The following RPS6KA5 variants were observed in gnomAD, a reference collection of about 807,000 sequenced individuals.
RPS6KA5 encodes ribosomal protein S6 kinase A5, also known as ribosomal protein S6 kinase alpha-5.
Under a neutral mutation model 85.5 loss-of-function variants are expected in RPS6KA5, and 27 were observed. The observed-to-expected ratio is 0.32, with a 90% CI of 0.23 to 0.44. RPS6KA5 has a LOEUF of 0.44. Ranked by LOEUF, RPS6KA5 falls within the 20% of genes least tolerant of loss-of-function variation. RPS6KA5 has a pLI of 1.00. For missense variants in RPS6KA5, 811 were observed against 980.9 expected, an observed-to-expected ratio of 0.83 and a Z score of 2.31; for synonymous variants, 334 against 348.2, an observed-to-expected ratio of 0.96 and a Z score of 0.46.
At chr14:91,033,297 A>G (rs903252328) in intron 1 of RPS6KA5, among the ~76,000 whole-genome samples, 20 of 152,192 alleles carry the variant, frequency 1.3e-4, no homozygotes, top group Non-Finnish European at 5.9e-5. Flanking sequence ...ATCAGATTGG[A>G]AAAGATTTTT....
At chr14:90,885,584 A>C (rs867293316) in intron 14 of RPS6KA5, among the ~76,000 whole-genome samples, 190 of 89,976 alleles carry the variant, frequency 2.1e-3, no homozygotes, top group Middle Eastern at 7.8e-3. Flanking sequence ...AAAAAAAAAA[A>C]AAAAAAAATT....
At chr14:90,992,028 A>G (rs528284424) in intron 2 of RPS6KA5, among the ~76,000 whole-genome samples, 1 of 152,312 alleles carries the variant, frequency 6.6e-6, no homozygotes, top group African/African-American at 2.4e-5. Context: ...TTTCATTTCC[A>G]AAGAAAACCT....
At chr14:91,015,279 A>T (rs545680197) in intron 1 of RPS6KA5, among the ~76,000 whole-genome samples, 1 of 152,334 alleles carries the variant, frequency 6.6e-6, no homozygotes, top group South Asian at 2.1e-4. Context: ...CACTCAGCAC[A>T]GCATTCCTTA....
intron 13 of RPS6KA5, chr14:90,894,088 TAA>T (rs1169490296): frequency 4.1e-6 from 4 of 973,440 alleles, no homozygotes; most frequent in Non-Finnish European, 4.9e-6. Flanking sequence ...AAATTATATG[TAA>T]GAGATATTAT....
At chr14:91,044,291 GAGAAAGAGAGAGAAAGAGAGAGAGAGAA>G (rs2042726698) in intron 1 of RPS6KA5, among the ~76,000 whole-genome samples, 3 of 123,938 alleles carry the variant, frequency 2.4e-5, no homozygotes, top group African/African-American at 3.6e-5. Flanking sequence ...GAGAGAGAGA[GAGAAAGAGAGAGAAAGAGAGAGAGAGAA>G]AGAGAGAGAG....
At chr14:91,018,718 C>G (rs2041610959) in intron 1 of RPS6KA5, among the ~76,000 whole-genome samples, 1 of 152,160 alleles carries the variant, frequency 6.6e-6, no homozygotes, top group Admixed American at 6.5e-5. Flanking sequence ...GCACAGTCAG[C>G]TTCCCTGCTT....
At chr14:90,908,149 A>G (rs952331738) in intron 7 of RPS6KA5, among the ~76,000 whole-genome samples, 1 of 152,240 alleles carries the variant, frequency 6.6e-6, no homozygotes, top group Non-Finnish European at 1.5e-5. Context: ...GAAAGGAGAA[A>G]TGTCCACCAT....
chr14:90,919,637 C>T lies in RPS6KA5; in HGVS notation c.806+569G>A, dbSNP rs564928516. 8.5e-4 allele frequency among the ~76,000 whole-genome samples: 129 copies of T among 152,184 alleles called. 3 individuals carry two copies. The South Asian group carries it at 0.013, about 15-fold the overall frequency. ...GAATCAAAGCCAGACATGTCCCTTA[C>T]TCTCACAGAGCTTACAATCTAGTGT... is the stretch of plus-strand genomic sequence containing the variant. On this transcript the variant is annotated intron_variant, in intron 7 of 16. Transcript: ENST00000614987.
chr14:90,992,506 C>A (rs1290864926), intron 2 of RPS6KA5, among the ~76,000 whole-genome samples: 1 of 152,164 alleles, frequency 6.6e-6, no homozygotes, highest in Admixed American at 6.5e-5. Context: ...AAAGAAAATA[C>A]ACACAAGGTT....
chr14:91,059,841 T>C (rs2043553876), intron 1 of RPS6KA5, among the ~76,000 whole-genome samples: 1 of 152,178 alleles, frequency 6.6e-6, no homozygotes, highest in Non-Finnish European at 1.5e-5. Flanking sequence ...CTCCCGTTTA[T>C]CTCCTACAGG....
chr14:91,025,920 C>T (rs2041974506), intron 1 of RPS6KA5, among the ~76,000 whole-genome samples: 1 of 151,798 alleles, frequency 6.6e-6, no homozygotes, highest in East Asian at 1.9e-4. Context: ...TGAGATGTGG[C>T]GTACAAATGA....
At position 90,851,979 on chromosome 14, in the gene RPS6KA5, C is replaced by T. The variant is rs1346275251; in HGVS notation, c.*20095G>A. On this transcript the variant is annotated 3_prime_UTR_variant, in exon 17 of 17. Coordinates refer to ENST00000614987, the MANE Select transcript of RPS6KA5 (RefSeq NM_004755.4). The stretch of plus-strand genomic sequence containing the variant: ...GACAGAATTTAATATATTCGTTGAT[C>T]TAAAGAAATAAACAGTATTATTCAG... The T allele has an allele frequency of 6.7e-6, 1 of 150,232 alleles. No individual in the cohort carries two copies. Among genetic ancestry groups the T allele is most frequent in the Non-Finnish European group, 1.5e-5 (1 of 67,754 alleles). The allele number at this position is 150,232 out of a possible 1,614,324, so 9.3% of individuals were successfully genotyped here. A position where few individuals can be genotyped will look rare whatever the true frequency, so the allele number is the denominator to read the frequency against.
rs1472277849 is a variant in RPS6KA5, at chr14:90,850,483, A to T, written c.*21591T>A. ...CCATACAAAAAAAAAAAAAAAAAAC[A>T]GAAAATATTACATAACCAGGCCTTT... is the stretch of plus-strand genomic sequence containing the variant. On this transcript the variant is annotated 3_prime_UTR_variant, in exon 17 of 17. Coordinates refer to ENST00000614987, the MANE Select transcript of RPS6KA5 (RefSeq NM_004755.4). 7.0e-6 allele frequency: 1 copy of T among 142,476 alleles called. No individual in the cohort carries two copies. The highest frequency in any genetic ancestry group is 1.5e-5 in the Non-Finnish European group (1 of 64,542). The allele number at this position is 142,476 out of a possible 1,614,324, so 8.8% of individuals were successfully genotyped here. A position where few individuals can be genotyped will look rare whatever the true frequency, so the allele number is the denominator to read the frequency against.
chr14:91,058,430 C>G (rs2043416436), intron 1 of RPS6KA5, among the ~76,000 whole-genome samples: 1 of 152,222 alleles, frequency 6.6e-6, no homozygotes, highest in Admixed American at 6.5e-5. Flanking sequence ...TGGTTAACTA[C>G]TAATAACAAG....
chr14:90,898,306 A>C (rs978008532), intron 12 of RPS6KA5, among the ~76,000 whole-genome samples: 1 of 152,186 alleles, frequency 6.6e-6, no homozygotes, highest in Non-Finnish European at 1.5e-5. Context: ...AACCTAGACC[A>C]CACAAGATAT....
chr14:90,955,970 G>A (rs2038486378), intron 3 of RPS6KA5, among the ~76,000 whole-genome samples: 1 of 151,696 alleles, frequency 6.6e-6, no homozygotes, highest in African/African-American at 2.4e-5. Context: ...ACCAACCATG[G>A]GTCAAAAATA....
intron 3 of RPS6KA5, among the ~76,000 whole-genome samples, chr14:90,962,494 C>G (rs1369176671): frequency 6.6e-6 from 1 of 152,054 alleles, no homozygotes; most frequent in Non-Finnish European, 1.5e-5. Context: ...GCCATGTTAG[C>G]CTGGCTGGTC....
At chr14:91,022,342 G>C (rs554806079) in intron 1 of RPS6KA5, among the ~76,000 whole-genome samples, 2 of 152,148 alleles carry the variant, frequency 1.3e-5, no homozygotes, top group South Asian at 4.1e-4. Flanking sequence ...ATTATAATGG[G>C]GATCCAATGG....
At position 90,940,691 on chromosome 14, in the gene RPS6KA5, C is replaced by A. The variant is rs114981972; in HGVS notation, c.618+2387G>T. On this transcript the variant is annotated intron_variant, in intron 5 of 16. Coordinates refer to ENST00000614987, the MANE Select transcript of RPS6KA5 (RefSeq NM_004755.4). ...TACCATCTAGCACATGGGCCCCTAA[C>A]CCCCAGGCCATGGACAAGTACTGGT... is the stretch of plus-strand genomic sequence containing the variant. Among the ~76,000 whole-genome samples, 740 of 152,256 alleles carry A rather than the reference C, an allele frequency of 4.9e-3. 4 individuals are homozygous for A. Among genetic ancestry groups the A allele is most frequent in the Middle Eastern group, 0.027 (8 of 294 alleles).
Sources: allele counts gnomAD v4.1 joint callset (sites outside exome capture counted in the v4.1 genomes callset), GRCh38; gene constraint gnomAD v4.1.1; transcripts MANE v1.5; gene names NCBI Gene and HGNC (gene_info 2026-07-23, HGNC 2026-07-21).